ATP2B4: variants seen among roughly 807,000 people sequenced by gnomAD.
The protein encoded by ATP2B4 is plasma membrane calcium-transporting ATPase 4.
Under a neutral mutation model 110.3 loss-of-function variants are expected in ATP2B4, and 39 were observed. The ratio of observed to expected loss-of-function variants is 0.35; its 90% CI spans 0.27 to 0.46. ATP2B4 has a LOEUF of 0.46. Among genes scored for constraint, ATP2B4 ranks in the 20% least tolerant of loss-of-function variants. The pLI is 1.00. For missense variants in ATP2B4, 1,135 were observed against 1,530.9 expected, an observed-to-expected ratio of 0.74 and a Z score of 4.32; for synonymous variants, 538 against 571.7, an observed-to-expected ratio of 0.94 and a Z score of 0.84.
chr1:203,724,284 G>A (rs756656451), intron 19 of ATP2B4, among the ~76,000 whole-genome samples: 5 of 152,072 alleles, frequency 3.3e-5, no homozygotes, highest in Non-Finnish European at 7.3e-5. Flanking sequence ...TTGGGAGGCC[G>A]AGGCAGGCAG....
At chr1:203,660,524 G>C (rs1319397821) in intron 1 of ATP2B4, among the ~76,000 whole-genome samples, 1 of 152,114 alleles carries the variant, frequency 6.6e-6, no homozygotes, top group Admixed American at 6.5e-5. Context: ...GGGGAGGCCT[G>C]GGCACAGTGG....
At chr1:203,657,206 G>A in intron 1 of ATP2B4, 2 of 746,588 alleles carry the variant, frequency 2.7e-6, no homozygotes, top group Admixed American at 4.3e-5. Context: ...TGTAATACAT[G>A]GGCTTTCTTG....
At chr1:203,676,092 C>T (rs1016748060) in intron 1 of ATP2B4, among the ~76,000 whole-genome samples, 3 of 152,160 alleles carry the variant, frequency 2.0e-5, no homozygotes, top group Admixed American at 6.5e-5. Flanking sequence ...GGTGTGCCCG[C>T]CCTCACCTGG....
intron 11 of ATP2B4, among the ~76,000 whole-genome samples, chr1:203,710,149 C>T (rs1665963585): frequency 6.6e-6 from 1 of 152,034 alleles, no homozygotes. Context: ...AGGCAGAACA[C>T]GAGGTCAGGA....
At chr1:203,717,628 T>C (rs928313838) in intron 15 of ATP2B4, among the ~76,000 whole-genome samples, 15 of 124,220 alleles carry the variant, frequency 1.2e-4, no homozygotes, top group Non-Finnish European at 2.0e-4. Flanking sequence ...GGTATTTATT[T>C]TATTTATTTA....
chr1:203,724,029 G>A lies in ATP2B4; in HGVS notation c.3132+41G>A. The A allele has an allele frequency of 2.6e-6, 4 of 1,529,696 alleles. 1 individual carries two copies. Among genetic ancestry groups the A allele is most frequent in the Middle Eastern group, 3.9e-4 (2 of 5,178 alleles). 94.8% of individuals were successfully genotyped at this position (1,529,696 alleles called of 1,614,324 possible). Reference sequence around the variant, plus strand: ...CCCTCCTGGTGCATTCTCACAGCCTGCAGAACTCCCCTCCTCTACATGAGA... The same window carrying A: ...CCCTCCTGGTGCATTCTCACAGCCTACAGAACTCCCCTCCTCTACATGAGA... On this transcript the variant is annotated intron_variant, in intron 19 of 20. Coordinates refer to ENST00000357681, the MANE Select transcript of ATP2B4 (RefSeq NM_001684.5).
At chr1:203,729,133 GAAAA>G (rs1432945521) in intron 20 of ATP2B4, among the ~76,000 whole-genome samples, 14 of 151,604 alleles carry the variant, frequency 9.2e-5, no homozygotes, top group Admixed American at 7.9e-4. Flanking sequence ...AAAAGAGAAA[GAAAA>G]GAAGTTCCCC....
rs543682228 is a variant in ATP2B4 at position 203,677,437 on chromosome 1, G to A, written c.-464-5305G>A. On this transcript the variant is annotated intron_variant, in intron 1 of 20. Transcript: ENST00000357681. Reference sequence around the variant, plus strand: ...GACTCTAGGTCAGAAAAAAGACTACGGGTTTTCTGAGGGACTCCTAAAGCA... The same window carrying A: ...GACTCTAGGTCAGAAAAAAGACTACAGGTTTTCTGAGGGACTCCTAAAGCA... 3.3e-5 allele frequency among the ~76,000 whole-genome samples: 5 copies of A among 152,182 alleles called. No individual in the cohort carries two copies. The East Asian group carries it at 7.7e-4, about 24-fold the overall frequency.
At chr1:203,649,496 G>C (rs1663909125) in intron 1 of ATP2B4, among the ~76,000 whole-genome samples, 1 of 152,166 alleles carries the variant, frequency 6.6e-6, no homozygotes, top group African/African-American at 2.4e-5. Flanking sequence ...CTTCACTTTA[G>C]GGTGGGCGTA....
intron 2 of ATP2B4, among the ~76,000 whole-genome samples, chr1:203,686,615 A>AG (rs1558033752): frequency 2.1e-4 from 32 of 149,770 alleles, no homozygotes; most frequent in African/African-American, 7.7e-4. Context: ...CACTGGCACA[A>AG]TTTTCTACTG....
Position 203,702,009 on chromosome 1 carries a change from T to G in ATP2B4, c.902-35T>G, listed in dbSNP as rs755035474. ...TGGATCTCTTAATAGTTACTTTGGG[T>G]TTCGACCCCACTTTTTTCTTTCTTG... On this transcript the variant is annotated intron_variant, in intron 6 of 20. Transcript: ENST00000357681. The G allele has an allele frequency of 1.7e-5, 28 of 1,613,532 alleles. 1 individual carries two copies. The Admixed American group carries it at 3.7e-4, about 21-fold the overall frequency.
intron 1 of ATP2B4, among the ~76,000 whole-genome samples, chr1:203,639,150 T>G (rs1663552156): frequency 6.6e-6 from 1 of 152,168 alleles, no homozygotes; most frequent in African/African-American, 2.4e-5. Flanking sequence ...AACTCCATCC[T>G]TCCTTAGCAG....
At chr1:203,671,769 G>A (rs771117393) in intron 1 of ATP2B4, among the ~76,000 whole-genome samples, 60 of 152,238 alleles carry the variant, frequency 3.9e-4, no homozygotes, top group Admixed American at 1.4e-3. Context: ...TTGCTATGCA[G>A]AAGTAGCCCT....
At position 203,715,266 on chromosome 1, in the gene ATP2B4, C is replaced by G. The variant is rs1173624040; in HGVS notation, c.2406+989C>G. Among the ~76,000 whole-genome samples, 2 of 140,738 alleles carry G rather than the reference C, an allele frequency of 1.4e-5. 1 individual carries two copies. The highest frequency in any genetic ancestry group is 3.2e-5 in the Non-Finnish European group (2 of 63,260). The allele number at this position is 140,738 out of a possible 152,430, so 92.3% of individuals were successfully genotyped here. On this transcript the variant is annotated intron_variant, in intron 15 of 20. Transcript: ENST00000357681. ...CTCCAGCCTGGGTGACAAAGCTAGA[C>G]TCTGTCTCAAAAAACAAAAGAGATT... is the stretch of plus-strand genomic sequence containing the variant.
At position 203,722,834 on chromosome 1, in the gene ATP2B4, T is replaced by A. The variant is rs563985282; in HGVS notation, c.3024+145T>A. 1.7e-5 allele frequency: 13 copies of A among 774,964 alleles called. No individual in the cohort carries two copies. In the African/African-American group the frequency reaches 2.1e-4, roughly 13 times the overall value. 48.0% of individuals were successfully genotyped at this position (774,964 alleles called of 1,614,324 possible). ...AAGTTGAACACTTTGGGATTCCCAATCTGCTTTCTTTTGCATATTGCTCTA... is the reference window on the plus strand; with the variant it reads ...AAGTTGAACACTTTGGGATTCCCAAACTGCTTTCTTTTGCATATTGCTCTA... On this transcript the variant is annotated intron_variant, in intron 18 of 20. Transcript: ENST00000357681.
intron 1 of ATP2B4, among the ~76,000 whole-genome samples, chr1:203,643,971 C>T (rs975826802): frequency 6.6e-6 from 1 of 152,000 alleles, no homozygotes; most frequent in Admixed American, 6.6e-5. Context: ...ATAGATGGGC[C>T]GGGTGTGGTG....
chr1:203,725,904 C>CTTTTTTTTTT (rs756184004), intron 19 of ATP2B4, among the ~76,000 whole-genome samples: 71 of 93,350 alleles, frequency 7.6e-4, no homozygotes, highest in Non-Finnish European at 9.2e-4. Flanking sequence ...CTTTTCTTTT[C>CTTTTTTTTTT]TTTTTTTTTT....
At position 203,629,512 on chromosome 1, in the gene ATP2B4, G is replaced by T. The variant is rs919536735; in HGVS notation, c.-465+2293G>T. Among the ~76,000 whole-genome samples, 4 of 152,130 alleles carry T rather than the reference G, an allele frequency of 2.6e-5. No individual in the cohort carries two copies. Among genetic ancestry groups the T allele is most frequent in the African/African-American group, 9.7e-5 (4 of 41,436 alleles). On this transcript the variant is annotated intron_variant, in intron 1 of 20. Transcript: ENST00000357681. The surrounding 1 kb of genome is among the most constrained non-coding windows in gnomAD (Gnocchi z 4.6). ...ATTTAGCGCGCACCGGGTCGCCTGAGCCCGGGGTCGCGGCCAAAGGGGTAA... is the reference window on the plus strand; with the variant it reads ...ATTTAGCGCGCACCGGGTCGCCTGATCCCGGGGTCGCGGCCAAAGGGGTAA...
intron 2 of ATP2B4, among the ~76,000 whole-genome samples, chr1:203,688,129 T>C (rs908091676): frequency 2.6e-5 from 4 of 151,408 alleles, no homozygotes; most frequent in African/African-American, 9.7e-5. Context: ...GCTCAACTGA[T>C]CCTCCTGCCT....
Sources: allele counts gnomAD v4.1 joint callset (sites outside exome capture counted in the v4.1 genomes callset), GRCh38; gene constraint gnomAD v4.1.1; non-coding constraint Gnocchi (gnomAD v3.1); transcripts MANE v1.5; gene names NCBI Gene and HGNC (gene_info 2026-07-23, HGNC 2026-07-21).